Variants in IL1RAPL1 observed in about 807,000 individuals in gnomAD.
IL1RAPL1 encodes interleukin 1 receptor accessory protein like 1.
A neutral mutation model predicts 48.4 loss-of-function variants in IL1RAPL1; 3 were observed. The observed-to-expected ratio is 0.06, with a 90% CI of 0.03 to 0.16. The LOEUF (loss-of-function observed/expected upper bound fraction) is 0.16, where lower values mean the gene tolerates loss of function less well. Ranked by LOEUF, IL1RAPL1 falls within the 10% of genes least tolerant of loss-of-function variation. IL1RAPL1 has a pLI of 1.00. For synonymous variants in IL1RAPL1, 185 were observed against 187.7 expected, an observed-to-expected ratio of 0.99 and a Z score of 0.12; for missense variants, 349 against 530.6, an observed-to-expected ratio of 0.66 and a Z score of 3.36.
At chrX:29,236,758 C>T (rs1246456163) in intron 2 of IL1RAPL1, among the ~76,000 whole-genome samples, 26 of 101,333 alleles carry the variant, frequency 2.6e-4, no homozygotes, top group Admixed American at 1.9e-3. Context: ...TTAGTAGAGA[C>T]GGGGGTTTCA....
At chrX:29,333,680 C>G in intron 3 of IL1RAPL1, among the ~76,000 whole-genome samples, 1 of 83,222 alleles carries the variant, frequency 1.2e-5, no homozygotes, top group Non-Finnish European at 2.3e-5. Flanking sequence ...CCCTCACCTC[C>G]CGGACTGGGT....
chrX:28,677,519 A>ATTTT (rs1935011718), intron 1 of IL1RAPL1, among the ~76,000 whole-genome samples: 1 of 111,728 alleles, frequency 9.0e-6, no homozygotes, highest in Non-Finnish European at 1.9e-5. Context: ...TGATACCAAC[A>ATTTT]CAACTCTGAG....
At chrX:29,540,829 A>G (rs1921414847) in intron 5 of IL1RAPL1, among the ~76,000 whole-genome samples, 1 of 112,028 alleles carries the variant, frequency 8.9e-6, no homozygotes, top group African/African-American at 3.2e-5. Context: ...CTAATAATCC[A>G]AAAAGAAAAA....
chrX:29,030,070 T>C (rs754343872), intron 2 of IL1RAPL1, among the ~76,000 whole-genome samples: 1 of 110,796 alleles, frequency 9.0e-6, no homozygotes, highest in Admixed American at 9.6e-5. Flanking sequence ...ATATGGGATC[T>C]ATTTCTGGAA....
At chrX:29,617,170 C>T (rs1242795795) in intron 5 of IL1RAPL1, among the ~76,000 whole-genome samples, 1 of 111,630 alleles carries the variant, frequency 9.0e-6, no homozygotes, top group Non-Finnish European at 1.9e-5. Context: ...ACAGCCTCAT[C>T]CCTGAATTGT....
At chrX:29,019,314 T>A (rs1236140006) in intron 2 of IL1RAPL1, among the ~76,000 whole-genome samples, 2 of 111,797 alleles carry the variant, frequency 1.8e-5, no homozygotes, top group African/African-American at 6.5e-5. Context: ...TTGCACAACA[T>A]TTTGAATATA....
At chrX:29,180,172 A>G (rs1037794893) in intron 2 of IL1RAPL1, among the ~76,000 whole-genome samples, 7 of 110,254 alleles carry the variant, frequency 6.3e-5, no homozygotes, top group African/African-American at 2.3e-4. Flanking sequence ...TACATTGGAT[A>G]GCATCACATA....
chrX:28,970,947 C>T (rs1925055618), intron 2 of IL1RAPL1, among the ~76,000 whole-genome samples: 1 of 111,268 alleles, frequency 9.0e-6, no homozygotes, highest in South Asian at 3.7e-4. Flanking sequence ...TAAAAAAGCA[C>T]ATGTAGAATA....
intron 2 of IL1RAPL1, among the ~76,000 whole-genome samples, chrX:29,115,590 C>T (rs1370969995): frequency 9.3e-6 from 1 of 107,508 alleles, no homozygotes; most frequent in African/African-American, 3.4e-5. Flanking sequence ...AGCTCGTATC[C>T]TCAAGTTTTC....
chrX:29,197,014 C>T (rs988598896), intron 2 of IL1RAPL1, among the ~76,000 whole-genome samples: 6 of 110,198 alleles, frequency 5.4e-5, no homozygotes, highest in Admixed American at 2.9e-4. Context: ...CTTTTAGATA[C>T]GATTTTAGGA....
intron 1 of IL1RAPL1, among the ~76,000 whole-genome samples, chrX:28,751,344 A>G (rs1936041271): frequency 8.9e-6 from 1 of 111,831 alleles, no homozygotes; most frequent in Admixed American, 9.6e-5. Context: ...TGCTACTTAA[A>G]TAGGTGCTAT....
At chrX:28,796,795 C>T (rs1334312799) in intron 2 of IL1RAPL1, among the ~76,000 whole-genome samples, 1 of 111,627 alleles carries the variant, frequency 9.0e-6, no homozygotes, top group Admixed American at 9.5e-5. Context: ...CCCCTTCTTA[C>T]AGCTCCACTA....
chrX:28,775,516 C>T (rs1035714474), intron 1 of IL1RAPL1, among the ~76,000 whole-genome samples: 5 of 112,103 alleles, frequency 4.5e-5, no homozygotes, highest in African/African-American at 6.5e-5. Flanking sequence ...ATTTTATCTG[C>T]AGAGCCACTC....
At chrX:29,811,487 G>A (rs1930381204) in intron 6 of IL1RAPL1, among the ~76,000 whole-genome samples, 1 of 105,690 alleles carries the variant, frequency 9.5e-6, no homozygotes, top group African/African-American at 3.5e-5. Context: ...CAGCTGATTA[G>A]ATTGTGCCCA....
rs34164964 is a variant in IL1RAPL1 at position 29,366,553 on chromosome X, A to ATTTT, written c.363-29675_363-29672dup. Among the ~76,000 whole-genome samples, 100 of 37,260 alleles carry ATTTT rather than the reference A, an allele frequency of 2.7e-3. 10 individuals carry two copies. The highest frequency in any genetic ancestry group is 8.0e-3 in the South Asian group (3 of 377). 32.4% of individuals were successfully genotyped at this position (37,260 alleles called of 115,157 possible). A position where few individuals can be genotyped will look rare whatever the true frequency, so the allele number is the denominator to read the frequency against. On this transcript the variant is annotated intron_variant, in intron 3 of 10. Transcript: ENST00000378993. The stretch of plus-strand genomic sequence containing the variant: ...GTTTTCTGATATTTTTGATAGGTCA[A>ATTTT]TTTTTTTTTTTTTTTTTTTTTTTTT...
At chrX:28,903,610 C>T (rs975937125) in intron 2 of IL1RAPL1, among the ~76,000 whole-genome samples, 4 of 110,180 alleles carry the variant, frequency 3.6e-5, no homozygotes, top group Non-Finnish European at 7.6e-5. Flanking sequence ...TCTAAGCTTG[C>T]ATTTCTTTTC....
At chrX:28,905,005 C>T (rs982056506) in intron 2 of IL1RAPL1, among the ~76,000 whole-genome samples, 7 of 111,026 alleles carry the variant, frequency 6.3e-5, no homozygotes, top group Non-Finnish European at 9.4e-5. Context: ...TTTTGATTTG[C>T]TTTGAGGTAT....
At chrX:29,520,484 AT>A (rs1277902811) in intron 5 of IL1RAPL1, among the ~76,000 whole-genome samples, 4 of 111,285 alleles carry the variant, frequency 3.6e-5, no homozygotes, top group African/African-American at 1.3e-4. Flanking sequence ...TTCTATTTCT[AT>A]TTTTTAGTGG....
chrX:29,934,746 A>C (rs73456480), intron 8 of IL1RAPL1, among the ~76,000 whole-genome samples: 215 of 111,963 alleles, frequency 1.9e-3, no homozygotes, highest in African/African-American at 6.3e-3. Context: ...CATTGCAGAC[A>C]CTGAAACTAA....
Sources: allele counts gnomAD v4.1 joint callset (sites outside exome capture counted in the v4.1 genomes callset), GRCh38; gene constraint gnomAD v4.1.1; transcripts MANE v1.5; gene names NCBI Gene and HGNC (gene_info 2026-07-23, HGNC 2026-07-21).